Variants in STK40 observed in about 807,000 individuals in gnomAD.
The protein encoded by STK40 is serine/threonine kinase 40.
In STK40, 13 loss-of-function variants were observed where a neutral mutation model predicts 47.9. The ratio of observed to expected loss-of-function variants is 0.27; its 90% CI spans 0.18 to 0.43. The LOEUF (loss-of-function observed/expected upper bound fraction) is 0.43, where lower values mean the gene tolerates loss of function less well. Among genes scored for constraint, STK40 ranks in the 20% least tolerant of loss-of-function variants. The pLI, the probability that STK40 is intolerant of heterozygous loss-of-function variation, is 1.00. For missense variants in STK40, 460 were observed against 595.1 expected (o/e 0.77, Z 2.36); for synonymous variants, 225 against 243.2 (o/e 0.93, Z 0.69).
chr1:36,374,078 A>G (rs1646971911), intron 1 of STK40, among the ~76,000 whole-genome samples: 1 of 152,260 alleles, frequency 6.6e-6, no homozygotes, highest in Non-Finnish European at 1.5e-5. Flanking sequence ...CAATGTGCTG[A>G]GCACAGCAGG....
At chr1:36,382,703 T>C (rs1446542257) in intron 1 of STK40, among the ~76,000 whole-genome samples, 2 of 152,228 alleles carry the variant, frequency 1.3e-5, no homozygotes, top group African/African-American at 2.4e-5. Flanking sequence ...CTAGTTGCCA[T>C]GAATTGCTGC....
chr1:36,360,944 C>G (rs1014911615), intron 2 of STK40, among the ~76,000 whole-genome samples: 5 of 152,162 alleles, frequency 3.3e-5, no homozygotes, highest in African/African-American at 1.2e-4. Context: ...GGGGGAGAGT[C>G]GGAGCCTAGC....
chr1:36,346,660 C>T (rs558645580), intron 7 of STK40, among the ~76,000 whole-genome samples: 9 of 152,366 alleles, frequency 5.9e-5, no homozygotes, highest in African/African-American at 2.2e-4. Context: ...GTCTCCCAGT[C>T]GAGGATTCTC....
intron 7 of STK40, among the ~76,000 whole-genome samples, chr1:36,348,009 T>A (rs1388865347): frequency 6.6e-6 from 1 of 152,248 alleles, no homozygotes; most frequent in South Asian, 2.1e-4. Flanking sequence ...GTCAGCTCCA[T>A]GAAGGCAGCA....
chr1:36,345,285 C>T (rs906764992), intron 7 of STK40, among the ~76,000 whole-genome samples: 2 of 152,240 alleles, frequency 1.3e-5, no homozygotes, highest in Non-Finnish European at 2.9e-5. Flanking sequence ...CCCTGGGCAA[C>T]CAGGGCCCAG....
chr1:36,380,739 C>T (rs1647032516), intron 1 of STK40, among the ~76,000 whole-genome samples: 1 of 152,110 alleles, frequency 6.6e-6, no homozygotes, highest in Non-Finnish European at 1.5e-5. Flanking sequence ...TGAAGAGGTT[C>T]ACCTCCCTGG....
chr1:36,347,662 T>C (rs1409261478), intron 7 of STK40, among the ~76,000 whole-genome samples: 1 of 151,586 alleles, frequency 6.6e-6, no homozygotes, highest in African/African-American at 2.4e-5. Context: ...TTTTTCTTTT[T>C]TTTTTTTTGA....
chr1:36,344,122 A>G lies in STK40; in HGVS notation c.882T>C (p.Pro294=). The G allele has an allele frequency of 6.4e-7, 1 of 1,568,502 alleles. No individual in the cohort carries two copies. Among genetic ancestry groups the G allele is most frequent in the Non-Finnish European group, 8.6e-7 (1 of 1,159,678 alleles). Residue 294 remains proline, a splice_region_variant and synonymous_variant, in exon 8 of 11, where the codon CCT becomes CCC. Transcript: ENST00000373132. ...ACCCCCCGGGAGGCAGGACTCACTC[A>G]GGAATGGTATACTCGGCAGCCTTGA... ...RKIKAAEYTI[P]EDGRVSENTV...
At chr1:36,345,987 A>ATTTTTT (rs1397972473) in intron 7 of STK40, among the ~76,000 whole-genome samples, 636 of 17,156 alleles carry the variant, frequency 0.037, 18 homozygotes, top group Non-Finnish European at 0.061. Context: ...ATATATATAT[A>ATTTTTT]TATATTTTTT....
At chr1:36,346,128 G>A (rs1160967519) in intron 7 of STK40, among the ~76,000 whole-genome samples, 1 of 149,836 alleles carries the variant, frequency 6.7e-6, no homozygotes, top group East Asian at 2.0e-4. Flanking sequence ...CCGAGTAGCT[G>A]GGACTATAGG....
chr1:36,343,269 C>T (rs747927493), intron 10 of STK40, 95 bp downstream of exon 10: 5 of 1,337,778 alleles, frequency 3.7e-6, no homozygotes, highest in Non-Finnish European at 5.3e-6. Flanking sequence ...ACTCTGTGGC[C>T]TGCGGGTAGC....
chr1:36,362,237 T>C (rs891917341), intron 1 of STK40, among the ~76,000 whole-genome samples: 2 of 152,114 alleles, frequency 1.3e-5, no homozygotes, highest in African/African-American at 2.4e-5. Flanking sequence ...CTCTTCCAGC[T>C]CTCCAAAGTC....
chr1:36,353,991 C>T (rs1646780988), intron 6 of STK40, among the ~76,000 whole-genome samples: 3 of 152,132 alleles, frequency 2.0e-5, no homozygotes, highest in Non-Finnish European at 4.4e-5. Context: ...TCTCAAACTC[C>T]TGGGCTCAAG....
intron 6 of STK40, among the ~76,000 whole-genome samples, chr1:36,350,102 C>A (rs1033100014): frequency 5.3e-5 from 8 of 152,244 alleles, no homozygotes; most frequent in Non-Finnish European, 1.2e-4. Context: ...CAAAGGCCAG[C>A]CCGTCCTCTG....
At chr1:36,374,956 TG>T (rs1259528292) in intron 1 of STK40, among the ~76,000 whole-genome samples, 3 of 152,208 alleles carry the variant, frequency 2.0e-5, no homozygotes, top group Non-Finnish European at 4.4e-5. Flanking sequence ...AGGCCTGCCA[TG>T]GGGTCCCATG....
At chr1:36,358,098 C>A in intron 4 of STK40, 141 bp downstream of exon 4, 1 of 1,078,232 alleles carries the variant, frequency 9.3e-7, no homozygotes, top group South Asian at 2.8e-5. Context: ...ATCTCACCCA[C>A]CCTGGAAGTC....
chr1:36,352,780 CAT>C (rs917235034), intron 6 of STK40, among the ~76,000 whole-genome samples: 11 of 152,384 alleles, frequency 7.2e-5, no homozygotes, highest in South Asian at 2.1e-4. Context: ...GTCCTCCACA[CAT>C]GATACCATCT....
Position 36,341,982 on chromosome 1 carries a change from C to CG in STK40, c.1090-10dup. Reference sequence around the variant, plus strand: ...TCCTCCGTCACCTTCGCCTTTGAGGCGGGGAGGGTGGGAAGGAGACAAAGA... The same window carrying CG: ...TCCTCCGTCACCTTCGCCTTTGAGGCGGGGGAGGGTGGGAAGGAGACAAAGA... On this transcript the variant is annotated splice_polypyrimidine_tract_variant and intron_variant, in intron 10 of 10. Transcript: ENST00000373132. The CG allele has an allele frequency of 6.2e-7, 1 of 1,607,340 alleles. No individual in the cohort carries two copies. Among genetic ancestry groups the CG allele is most frequent in the Non-Finnish European group, 8.5e-7 (1 of 1,176,320 alleles).
chr1:36,364,518 T>C (rs944435274), intron 1 of STK40, among the ~76,000 whole-genome samples: 2 of 152,354 alleles, frequency 1.3e-5, no homozygotes, highest in Non-Finnish European at 1.5e-5. Context: ...CTGTGTCTAT[T>C]ATTTCTTTTA....
Sources: gnomAD v4.1 joint callset for allele counts (sites outside exome capture counted in the v4.1 genomes callset) on GRCh38, gnomAD v4.1.1 for gene constraint, MANE v1.5 for transcripts, NCBI Gene and HGNC (gene_info 2026-07-23, HGNC 2026-07-21) for gene names.